The following ARHGEF26 variants were observed in gnomAD, a reference collection of about 807,000 sequenced individuals.
ARHGEF26 encodes the protein Rho guanine nucleotide exchange factor 26, also known as Rho guanine nucleotide exchange factor (GEF) 26.
In ARHGEF26, 59 loss-of-function variants were observed where a neutral mutation model predicts 89.4. The ratio of observed to expected loss-of-function variants is 0.66; its 90% CI spans 0.54 to 0.82. The LOEUF is 0.82. Ranked by LOEUF, ARHGEF26 falls within the 40% of genes least tolerant of loss-of-function variation. The probability of loss-of-function intolerance (pLI) is 0.00; values close to 1 mark genes in which losing one functional copy is unlikely to be tolerated. For synonymous variants in ARHGEF26, 500 were observed against 428.4 expected (o/e 1.17, Z -2.06); for missense variants, 1,234 against 1,085.6 (o/e 1.14, Z -1.92).
intron 11 of ARHGEF26, among the ~76,000 whole-genome samples, chr3:154,227,108 G>A (rs937882246): frequency 1.3e-5 from 2 of 152,006 alleles, no homozygotes; most frequent in African/African-American, 4.8e-5. Flanking sequence ...CAGCTGAGTG[G>A]CTGTCTAGCT....
In ARHGEF26 at chr3:154,121,943, C is replaced by CA; in HGVS notation, c.-48dup. On this transcript the variant is annotated splice_region_variant and 5_prime_UTR_variant, in exon 2 of 15. Coordinates refer to ENST00000465093, the MANE Select transcript of ARHGEF26 (RefSeq NM_015595.4). Reference sequence around the variant, plus strand: ...TTTCCTAACTTCTTTCCTCTTTAGGCAAGACTAACTCGGTGTTGCTCCTCC... The same window carrying CA: ...TTTCCTAACTTCTTTCCTCTTTAGGCAAAGACTAACTCGGTGTTGCTCCTCC... 1 of 1,534,270 alleles carries CA rather than the reference C, an allele frequency of 6.5e-7. No homozygotes were observed. Among genetic ancestry groups the CA allele is most frequent in the South Asian group, 1.2e-5 (1 of 80,110 alleles).
chr3:154,151,008 T>G (rs1018464077), intron 5 of ARHGEF26, among the ~76,000 whole-genome samples: 30 of 152,308 alleles, frequency 2.0e-4, no homozygotes. Flanking sequence ...TAAGTCTTTT[T>G]GCCCAGTTTG....
intron 9 of ARHGEF26, among the ~76,000 whole-genome samples, chr3:154,201,922 AG>A (rs1714668479): frequency 6.6e-6 from 1 of 150,980 alleles, no homozygotes; most frequent in Non-Finnish European, 1.5e-5. Flanking sequence ...TCAGATGAGT[AG>A]GTTGCGAAAA....
At chr3:154,171,273 A>C (rs1426546030) in intron 6 of ARHGEF26, among the ~76,000 whole-genome samples, 1 of 152,132 alleles carries the variant, frequency 6.6e-6, no homozygotes, top group Non-Finnish European at 1.5e-5. Flanking sequence ...ATACCCCCTG[A>C]TGCTGCTCCC....
At position 154,159,518 on chromosome 3, in the gene ARHGEF26, A is replaced by T. The variant is rs1057462850; in HGVS notation, c.1487+6586A>T. 3.9e-5 allele frequency among the ~76,000 whole-genome samples: 6 copies of T among 152,134 alleles called. 1 individual carries two copies. In the South Asian group the frequency reaches 1.2e-3, roughly 31 times the overall value. ...TACAATAATAGTAAACATACAAAAT[A>T]GTACTTACCCCGCACTTGCTTCTCC... On this transcript the variant is annotated intron_variant, in intron 6 of 14. Coordinates refer to ENST00000465093, the MANE Select transcript of ARHGEF26 (RefSeq NM_015595.4).
intron 6 of ARHGEF26, among the ~76,000 whole-genome samples, chr3:154,163,632 T>C (rs1232644164): frequency 6.6e-6 from 1 of 152,164 alleles, no homozygotes; most frequent in Non-Finnish European, 1.5e-5. Flanking sequence ...TTTTATCTCA[T>C]ATTTGAATGT....
intron 11 of ARHGEF26, among the ~76,000 whole-genome samples, chr3:154,229,081 A>G (rs1716676057): frequency 6.6e-6 from 1 of 152,144 alleles, no homozygotes; most frequent in Non-Finnish European, 1.5e-5. Flanking sequence ...GACCCCCTCC[A>G]CTTCACAGTG....
chr3:154,146,257 G>T (rs1346866699), intron 4 of ARHGEF26, among the ~76,000 whole-genome samples: 2 of 152,158 alleles, frequency 1.3e-5, no homozygotes, highest in Non-Finnish European at 2.9e-5. Flanking sequence ...TTTAAAGGGC[G>T]TTAATCCCAT....
chr3:154,174,686 C>G (rs1002150828), intron 6 of ARHGEF26, among the ~76,000 whole-genome samples: 1 of 152,014 alleles, frequency 6.6e-6, no homozygotes, highest in Non-Finnish European at 1.5e-5. Flanking sequence ...AATAATATGC[C>G]TTTGTCAGAT....
At chr3:154,195,168 G>A (rs567764371) in intron 9 of ARHGEF26, among the ~76,000 whole-genome samples, 8 of 152,296 alleles carry the variant, frequency 5.3e-5, no homozygotes, top group African/African-American at 1.4e-4. Flanking sequence ...CCACAGTGGT[G>A]TCTAAGCTGA....
At chr3:154,229,839 G>A (rs886769138) in intron 11 of ARHGEF26, among the ~76,000 whole-genome samples, 1 of 152,102 alleles carries the variant, frequency 6.6e-6, no homozygotes, top group Non-Finnish European at 1.5e-5. Flanking sequence ...AAATCTATCA[G>A]ACTGACACAG....
At chr3:154,228,193 A>G (rs1038433899) in intron 11 of ARHGEF26, among the ~76,000 whole-genome samples, 9 of 151,272 alleles carry the variant, frequency 5.9e-5, no homozygotes, top group African/African-American at 1.7e-4. Flanking sequence ...CTGGAGTGCA[A>G]TGGCATGATC....
chr3:154,212,341 CAAA>C (rs59256396), intron 9 of ARHGEF26, among the ~76,000 whole-genome samples: 28 of 138,058 alleles, frequency 2.0e-4, no homozygotes, highest in Admixed American at 2.2e-4. Context: ...GACCCTGTCT[CAAA>C]AAAAAAAAAA....
intron 6 of ARHGEF26, among the ~76,000 whole-genome samples, chr3:154,157,228 C>T (rs905699051): frequency 6.6e-6 from 1 of 152,078 alleles, no homozygotes; most frequent in African/African-American, 2.4e-5. Context: ...TCCTAAGTTC[C>T]AAAGCATTTC....
chr3:154,225,144 A>T (rs1267159485), intron 10 of ARHGEF26, among the ~76,000 whole-genome samples: 1 of 152,152 alleles, frequency 6.6e-6, no homozygotes, highest in Non-Finnish European at 1.5e-5. Context: ...TAAAGAAAAT[A>T]AAAAAGCAGT....
intron 6 of ARHGEF26, among the ~76,000 whole-genome samples, chr3:154,167,246 G>C (rs1478283465): frequency 6.6e-6 from 1 of 152,306 alleles, no homozygotes; most frequent in African/African-American, 2.4e-5. Flanking sequence ...ACCAGGCACT[G>C]TGCTAGGCAT....
chr3:154,174,332 T>C (rs1165102306), intron 6 of ARHGEF26, among the ~76,000 whole-genome samples: 2 of 152,200 alleles, frequency 1.3e-5, no homozygotes, highest in Non-Finnish European at 2.9e-5. Flanking sequence ...ATTTAGGTTT[T>C]TAAAATACAT....
chr3:154,194,450 C>T (rs1031663746), intron 8 of ARHGEF26, among the ~76,000 whole-genome samples, 194 bp from the exon 9 acceptor site: 11 of 152,172 alleles, frequency 7.2e-5, no homozygotes, highest in Non-Finnish European at 1.6e-4. Flanking sequence ...TAACCATTCC[C>T]TGGATGGACT....
At position 154,124,456 on chromosome 3, in the gene ARHGEF26, A is replaced by G; in HGVS notation, c.1123+7A>G. 6 of 1,541,318 alleles carry G rather than the reference A, an allele frequency of 3.9e-6. No homozygotes were observed. The highest frequency in any genetic ancestry group is 5.2e-6 in the Non-Finnish European group (6 of 1,151,614). On this transcript the variant is annotated splice_region_variant and intron_variant, in intron 3 of 14. Coordinates refer to ENST00000465093, the MANE Select transcript of ARHGEF26 (RefSeq NM_015595.4). ...GGAACATTTGATGGGGAAGGTAAGCATTTAATTTTCCAAACTTTCATTGCT... is the reference window on the plus strand; with the variant it reads ...GGAACATTTGATGGGGAAGGTAAGCGTTTAATTTTCCAAACTTTCATTGCT...
Sources: gnomAD v4.1 joint callset for allele counts (sites outside exome capture counted in the v4.1 genomes callset) on GRCh38, gnomAD v4.1.1 for gene constraint, MANE v1.5 for transcripts, NCBI Gene and HGNC (gene_info 2026-07-23, HGNC 2026-07-21) for gene names.